EYS: variants seen among roughly 807,000 people sequenced by gnomAD.
EYS encodes the protein EGF-like photoreceptor maintenance factor, also known as protein eyes shut homolog.
Under a neutral mutation model 282.1 loss-of-function variants are expected in EYS, and 250 were observed. The observed-to-expected ratio is 0.89, with a 90% CI of 0.80 to 0.98. The LOEUF is 0.98. Among genes scored for constraint, EYS ranks in the 50% least tolerant of loss-of-function variants. The pLI is 0.00. For missense variants in EYS, 4,016 were observed against 3,709.0 expected (o/e 1.08, Z -2.15); for synonymous variants, 1,355 against 1,282.9 (o/e 1.06, Z -1.20).
chr6:64,401,271 T>C (rs1345594934), intron 28 of EYS, among the ~76,000 whole-genome samples: 1 of 152,086 alleles, frequency 6.6e-6, no homozygotes, highest in African/African-American at 2.4e-5. Flanking sequence ...GACTCAAATC[T>C]TAAGCTTAAC....
intron 22 of EYS, among the ~76,000 whole-genome samples, chr6:64,762,044 C>G (rs1236108102): frequency 6.6e-6 from 1 of 151,982 alleles, no homozygotes; most frequent in Non-Finnish European, 1.5e-5. Flanking sequence ...ATTGTTAAAA[C>G]AGTGGATTTT....
At chr6:65,185,303 C>A (rs758524118) in intron 12 of EYS, among the ~76,000 whole-genome samples, 1 of 151,652 alleles carries the variant, frequency 6.6e-6, no homozygotes, top group Non-Finnish European at 1.5e-5. Flanking sequence ...AAGTGTTGAC[C>A]GAATTTATGC....
At chr6:64,399,679 G>C (rs1396367365) in intron 28 of EYS, among the ~76,000 whole-genome samples, 1 of 151,784 alleles carries the variant, frequency 6.6e-6, no homozygotes, top group East Asian at 1.9e-4. Flanking sequence ...CCAATTCCTT[G>C]AAATAATTTT....
At chr6:63,771,245 C>G (rs866720525) in intron 40 of EYS, among the ~76,000 whole-genome samples, 28 of 152,030 alleles carry the variant, frequency 1.8e-4, no homozygotes, top group African/African-American at 6.5e-4. Context: ...TGCCTGAGAC[C>G]AGGAGGGACT....
intron 31 of EYS, among the ~76,000 whole-genome samples, chr6:64,207,903 C>T (rs1765656262): frequency 6.6e-6 from 1 of 152,140 alleles, no homozygotes; most frequent in Non-Finnish European, 1.5e-5. Flanking sequence ...ATGTGATCTG[C>T]TTGCCTTGAC....
chr6:65,515,340 G>A (rs1481545480), intron 2 of EYS, among the ~76,000 whole-genome samples: 2 of 152,092 alleles, frequency 1.3e-5, no homozygotes, highest in Admixed American at 6.5e-5. Flanking sequence ...TACACTGTTG[G>A]TGGGACTGTA....
At chr6:63,965,218 A>G (rs966862868) in intron 35 of EYS, among the ~76,000 whole-genome samples, 14 of 152,266 alleles carry the variant, frequency 9.2e-5, no homozygotes, top group Non-Finnish European at 1.8e-4. Context: ...TGTAAGATCG[A>G]TAATTCTTAC....
intron 31 of EYS, among the ~76,000 whole-genome samples, chr6:64,149,057 C>A (rs1328570429): frequency 6.6e-6 from 1 of 152,044 alleles, no homozygotes; most frequent in Admixed American, 6.6e-5. Context: ...ACAGCATTTT[C>A]CTTTGTTTTG....
intron 36 of EYS, among the ~76,000 whole-genome samples, chr6:63,851,159 T>C (rs10806321): frequency 0.99 from 151,370 of 152,330 alleles, 75,215 homozygotes; most frequent in Middle Eastern, 1. Context: ...TACAGGATCA[T>C]CCAGATTCAT....
chr6:65,472,473 A>G (rs767318012), intron 5 of EYS, among the ~76,000 whole-genome samples: 8 of 152,090 alleles, frequency 5.3e-5, no homozygotes, highest in Non-Finnish European at 1.2e-4. Context: ...AAATTTTTTA[A>G]TGTAAGCAGT....
intron 6 of EYS, among the ~76,000 whole-genome samples, chr6:65,404,709 GA>G (rs576108322): frequency 3.3e-5 from 5 of 151,340 alleles, no homozygotes; most frequent in Non-Finnish European, 7.4e-5. Flanking sequence ...TTCTCCAGGG[GA>G]AAAAAAATTC....
intron 29 of EYS, among the ~76,000 whole-genome samples, chr6:64,383,939 C>T (rs1424186206): frequency 6.6e-6 from 1 of 152,164 alleles, no homozygotes; most frequent in Non-Finnish European, 1.5e-5. Flanking sequence ...CCACTAGATA[C>T]ATATAATGTC....
At chr6:64,281,485 C>T (rs1234101207) in intron 30 of EYS, among the ~76,000 whole-genome samples, 1 of 151,980 alleles carries the variant, frequency 6.6e-6, no homozygotes, top group African/African-American at 2.4e-5. Context: ...TAATTAAAGA[C>T]CAAATCAGGA....
At chr6:63,787,865 G>A (rs188306817) in intron 39 of EYS, among the ~76,000 whole-genome samples, 1 of 152,254 alleles carries the variant, frequency 6.6e-6, no homozygotes, top group East Asian at 1.9e-4. Context: ...CTTGAACCCA[G>A]GAGGCAGAGG....
At chr6:64,295,152 A>T (rs1284791368) in intron 30 of EYS, among the ~76,000 whole-genome samples, 1 of 151,046 alleles carries the variant, frequency 6.6e-6, no homozygotes, top group East Asian at 2.0e-4. Context: ...AAGCGGGGGG[A>T]TCACGAGGTC....
At chr6:64,727,283 T>A (rs1357388526) in intron 22 of EYS, among the ~76,000 whole-genome samples, 1 of 151,134 alleles carries the variant, frequency 6.6e-6, no homozygotes, top group Non-Finnish European at 1.5e-5. Context: ...TGCGTAATTA[T>A]GCTTTTTTTC....
chr6:64,593,408 C>T lies in EYS; in HGVS notation c.3685-99G>A, dbSNP rs1353379750. The T allele has an allele frequency of 6.5e-6, 5 of 772,294 alleles. No homozygotes were observed. In the Admixed American group the frequency reaches 1.0e-4, roughly 16 times the overall value. The allele number at this position is 772,294 out of a possible 1,614,324, so 47.8% of individuals were successfully genotyped here. A position where few individuals can be genotyped will look rare whatever the true frequency, so the allele number is the denominator to read the frequency against. Reference sequence around the variant, plus strand: ...TGAGATCCATTTGCATTTCCATAGACATATTGGATAGCTCAAATAAAATAT... The same window carrying T: ...TGAGATCCATTTGCATTTCCATAGATATATTGGATAGCTCAAATAAAATAT... On this transcript the variant is annotated intron_variant, in intron 24 of 42. Transcript: ENST00000503581.
At chr6:63,999,003 T>C in intron 34 of EYS, 72 bp downstream of exon 34, 1 of 918,036 alleles carries the variant, frequency 1.1e-6, no homozygotes, top group Non-Finnish European at 1.7e-6. Context: ...TACTGCTTAG[T>C]AACATAAAAA....
intron 2 of EYS, among the ~76,000 whole-genome samples, chr6:65,635,780 T>A (rs943883486): frequency 6.6e-6 from 1 of 152,068 alleles, no homozygotes; most frequent in Non-Finnish European, 1.5e-5. Context: ...TTTGTTCAGG[T>A]TTTTTGCCTG....
Sources: gnomAD v4.1 joint callset for allele counts (sites outside exome capture counted in the v4.1 genomes callset) on GRCh38, gnomAD v4.1.1 for gene constraint, MANE v1.5 for transcripts, NCBI Gene and HGNC (gene_info 2026-07-23, HGNC 2026-07-21) for gene names.